Variants in COQ8A observed in about 807,000 individuals in gnomAD.
The protein encoded by COQ8A is atypical kinase COQ8A, mitochondrial.
In COQ8A, 51 loss-of-function variants were observed where a neutral mutation model predicts 65.0. The observed-to-expected ratio is 0.78, with a 90% CI of 0.63 to 0.99. The LOEUF (loss-of-function observed/expected upper bound fraction) is 0.99, where lower values mean the gene tolerates loss of function less well. Among genes scored for constraint, COQ8A ranks in the 50% least tolerant of loss-of-function variants. The probability of loss-of-function intolerance (pLI) is 0.00; values close to 1 mark genes in which losing one functional copy is unlikely to be tolerated. For missense variants in COQ8A, 940 were observed against 875.0 expected, an observed-to-expected ratio of 1.07 and a Z score of -0.94; for synonymous variants, 371 against 353.2, an observed-to-expected ratio of 1.05 and a Z score of -0.57.
At chr1:226,968,057 T>G (rs1658667242) in intron 4 of COQ8A, among the ~76,000 whole-genome samples, 1 of 152,088 alleles carries the variant, frequency 6.6e-6, no homozygotes, top group African/African-American at 2.4e-5. Flanking sequence ...GATCAGCATA[T>G]AAAAAACAAG....
intron 1 of COQ8A, among the ~76,000 whole-genome samples, chr1:226,958,906 C>T (rs538363505): frequency 5.1e-4 from 78 of 152,088 alleles, no homozygotes; most frequent in Non-Finnish European, 9.9e-4. Flanking sequence ...GTGTTCCTAG[C>T]GAGGGCCTGG....
In COQ8A at chr1:226,973,739, G is replaced by A. The variant is rs1274564274; in HGVS notation, c.656-3710G>A. Among the ~76,000 whole-genome samples the A allele has an allele frequency of 2.0e-5, 3 of 152,254 alleles. No individual in the cohort carries two copies. In the East Asian group the frequency reaches 5.8e-4, roughly 29 times the overall value. Reference sequence around the variant, plus strand: ...GAAAGACTGAACACTGGGGATTCAGGAACACCTTGAAGCAAAGGGAAGCCT... The same window carrying A: ...GAAAGACTGAACACTGGGGATTCAGAAACACCTTGAAGCAAAGGGAAGCCT... On this transcript the variant is annotated intron_variant, in intron 4 of 14. Coordinates refer to ENST00000366777, the MANE Select transcript of COQ8A (RefSeq NM_020247.5).
chr1:226,960,387 T>TG lies in COQ8A; in HGVS notation c.-9-989dup, dbSNP rs1558187375. Among the ~76,000 whole-genome samples the TG allele has an allele frequency of 3.7e-3, 58 of 15,814 alleles. 5 individuals carry two copies. The highest frequency in any genetic ancestry group is 4.9e-3 in the Non-Finnish European group (30 of 6,062). 10.4% of individuals were successfully genotyped at this position (15,814 alleles called of 152,430 possible). A position where few individuals can be genotyped will look rare whatever the true frequency, so the allele number is the denominator to read the frequency against. On this transcript the variant is annotated intron_variant, in intron 1 of 14. Transcript: ENST00000366777. ...TGGTGGTGGTGGTGGTACTTGGTGG[T>TG]GTCAGTGGTGGTACTTGGTGGTGGC...
At chr1:226,957,886 A>G (rs1657909209) in intron 1 of COQ8A, among the ~76,000 whole-genome samples, 1 of 152,120 alleles carries the variant, frequency 6.6e-6, no homozygotes, top group Non-Finnish European at 1.5e-5. Context: ...CTCCAGCATG[A>G]GTGAGACGGT....
At chr1:226,965,829 C>T (rs1395713525) in intron 4 of COQ8A, 92 bp downstream of exon 4, 14 of 1,412,298 alleles carry the variant, frequency 9.9e-6, no homozygotes, top group East Asian at 4.6e-5. Flanking sequence ...AGCAATATCC[C>T]GGGGAGGGCG....
rs745983452 is a variant in COQ8A, at chr1:226,983,797, G to T, written c.1199G>T (p.Arg400Leu). Reference protein sequence around the residue: ...FPEHLIDVLRRELALECDYQR... With the variant: ...FPEHLIDVLRLELALECDYQR... ...GAGCACCTGATCGACGTGCTGAGGC[G>T]GGAGCTGGCCCTGGAGTGTGACTAC... Residue 400 changes from arginine to leucine, a missense_variant, in exon 10 of 15, where the codon CGG becomes CTG. Physicochemically the swap from Arg to Leu is moderately radical, Grantham distance 102 (BLOSUM62 -2). Coordinates refer to ENST00000366777, the MANE Select transcript of COQ8A (RefSeq NM_020247.5). 6.2e-7 allele frequency: 1 copy of T among 1,612,744 alleles called. No individual in the cohort carries two copies. Among genetic ancestry groups the T allele is most frequent in the South Asian group, 1.1e-5 (1 of 91,064 alleles).
rs200810363 is a variant in COQ8A at position 226,971,556 on chromosome 1, G to GA, written c.655+5827dup. On this transcript the variant is annotated intron_variant, in intron 4 of 14. Transcript: ENST00000366777. Reference sequence around the variant, plus strand: ...GACAGCTCCATCTCAAAAAGAAAAAGAAAAAAAAGAAAAAAGAGAATATAT... The same window carrying GA: ...GACAGCTCCATCTCAAAAAGAAAAAGAAAAAAAAAGAAAAAAGAGAATATAT... Among the ~76,000 whole-genome samples, 331 of 149,660 alleles carry GA rather than the reference G, an allele frequency of 2.2e-3. 8 individuals carry two copies. In the East Asian group the frequency reaches 0.042, roughly 19 times the overall value.
intron 11 of COQ8A, 48 bp downstream of exon 11, chr1:226,984,283 T>G (rs371027011): frequency 2.1e-5 from 34 of 1,609,298 alleles, no homozygotes; most frequent in Admixed American, 3.3e-5. Flanking sequence ...CCCTGCTGTG[T>G]GGCTGTTTGG....
intron 4 of COQ8A, among the ~76,000 whole-genome samples, chr1:226,970,214 A>G (rs1446804145): frequency 6.6e-6 from 1 of 152,180 alleles, no homozygotes; most frequent in African/African-American, 2.4e-5. Context: ...CAACCTTCCA[A>G]AGTGCTGGGA....
intron 1 of COQ8A, among the ~76,000 whole-genome samples, chr1:226,956,503 T>C (rs1349246984): frequency 5.4e-5 from 4 of 74,506 alleles, no homozygotes; most frequent in African/African-American, 1.3e-4. Flanking sequence ...CTCTCCCTGG[T>C]TCACACTCTC....
intron 1 of COQ8A, among the ~76,000 whole-genome samples, chr1:226,942,306 G>T (rs1656754735): frequency 6.6e-6 from 1 of 151,904 alleles, no homozygotes; most frequent in Non-Finnish European, 1.5e-5. Flanking sequence ...TGTAGATTGG[G>T]CTACCTGTGC....
Position 226,946,884 on chromosome 1 carries a change from C to A in COQ8A, c.-10+6485C>A, listed in dbSNP as rs116482152. On this transcript the variant is annotated intron_variant, in intron 1 of 14. Coordinates refer to ENST00000366777, the MANE Select transcript of COQ8A (RefSeq NM_020247.5). This position sits in a 1 kb window ranked among gnomAD's most constrained non-coding sequence, Gnocchi z 5.3. ...CCGATGGCTCCTCCTAGCTCTTGCA[C>A]ACCCAGAGGCAGTCTTCAGTGTAGG... Among the ~76,000 whole-genome samples the A allele has an allele frequency of 0.014, 2,125 of 152,184 alleles. 54 individuals are homozygous for A. Among genetic ancestry groups the A allele is most frequent in the African/African-American group, 0.047 (1,962 of 41,480 alleles).
Position 226,961,509 on chromosome 1 carries a change from G to T in COQ8A, c.124G>T (p.Ala42Ser). Residue 42 changes from alanine (A) to serine (S), a missense_variant, in exon 2 of 15, where the codon GCC becomes TCC. Transcript: ENST00000366777. ...IGGELIMAAR[A>S]LQSTAVEQIG... ...AGGGGAGCTGATCATGGCGGCCAGG[G>T]CCCTGCAGTCCACGGCTGTGGAGCA... 6.2e-7 allele frequency: 1 copy of T among 1,613,888 alleles called. No homozygotes were observed. The highest frequency in any genetic ancestry group is 8.5e-7 in the Non-Finnish European group (1 of 1,180,000).
At position 226,978,262 on chromosome 1, in the gene COQ8A, G is replaced by A. The variant is rs796960898; in HGVS notation, c.730+739G>A. Reference sequence around the variant, plus strand: ...ACACACACCTGCTTACACAGCCTCCGCACCCACTGAACACCCGCACACCTC... The same window carrying A: ...ACACACACCTGCTTACACAGCCTCCACACCCACTGAACACCCGCACACCTC... On this transcript the variant is annotated intron_variant, in intron 5 of 14. Transcript: ENST00000366777. 7.3e-4 allele frequency among the ~76,000 whole-genome samples: 52 copies of A among 71,532 alleles called. 1 individual carries two copies. Among genetic ancestry groups the A allele is most frequent in the Middle Eastern group, 0.014 (1 of 70 alleles). 46.9% of individuals were successfully genotyped at this position (71,532 alleles called of 152,430 possible).
At position 226,972,435 on chromosome 1, in the gene COQ8A, G is replaced by A. The variant is rs1658960809; in HGVS notation, c.656-5014G>A. Among the ~76,000 whole-genome samples the A allele has an allele frequency of 6.6e-6, 1 of 151,830 alleles. No individual in the cohort carries two copies. The highest frequency in any genetic ancestry group is 1.5e-5 in the Non-Finnish European group (1 of 67,970). On this transcript the variant is annotated intron_variant, in intron 4 of 14. Transcript: ENST00000366777. The surrounding 1 kb of genome is among the most constrained non-coding windows in gnomAD (Gnocchi z 4.3). ...CCAGGAATGAAGAGTAGAGGGAATG[G>A]ACCTTTGGGTATCCTATTATTTTTA...
rs1021617139 is a variant in COQ8A at position 226,983,924 on chromosome 1, G to A, written c.1256+70G>A. On this transcript the variant is annotated intron_variant, in intron 10 of 14. Transcript: ENST00000366777. Reference sequence around the variant, plus strand: ...CAGAAGGGACCATGTTCAGCAGCTGGTGAAGGCCCCTCCAGCTCTGAGGGG... The same window carrying A: ...CAGAAGGGACCATGTTCAGCAGCTGATGAAGGCCCCTCCAGCTCTGAGGGG... 11 of 1,569,218 alleles carry A rather than the reference G, an allele frequency of 7.0e-6. No individual in the cohort carries two copies. In the African/African-American group the frequency reaches 1.4e-4, roughly 19 times the overall value.
intron 4 of COQ8A, among the ~76,000 whole-genome samples, chr1:226,976,331 G>GCTGCGGGA (rs1344620041): frequency 2.6e-5 from 4 of 151,084 alleles, no homozygotes; most frequent in East Asian, 2.0e-4. Flanking sequence ...GGGCTGCGGG[G>GCTGCGGGA]CTGCGGGACT....
intron 4 of COQ8A, among the ~76,000 whole-genome samples, chr1:226,976,000 G>A (rs1432995675): frequency 7.2e-5 from 11 of 152,236 alleles, no homozygotes; most frequent in South Asian, 2.1e-4. Flanking sequence ...TAAACAGAGC[G>A]TCCTGGTGTG....
At chr1:226,962,513 G>T (rs867794171) in intron 2 of COQ8A, among the ~76,000 whole-genome samples, 2 of 152,212 alleles carry the variant, frequency 1.3e-5, no homozygotes, top group South Asian at 4.1e-4. Context: ...TGTGCCTGTT[G>T]CGCGTGTGCA....
Sources: gnomAD v4.1 joint callset for allele counts (sites outside exome capture counted in the v4.1 genomes callset) on GRCh38, gnomAD v4.1.1 for gene constraint, Gnocchi (gnomAD v3.1) non-coding constraint, MANE v1.5 for transcripts, NCBI Gene and HGNC (gene_info 2026-07-23, HGNC 2026-07-21) for gene names.